The following ULK4 variants were observed in gnomAD, a reference collection of about 807,000 sequenced individuals.
ULK4 encodes the protein unc-51 like kinase 4.
In ULK4, 133 loss-of-function variants were observed where a neutral mutation model predicts 160.6. That is an observed-to-expected ratio of 0.83 (90% CI 0.72 to 0.96). The LOEUF is 0.96. ULK4 is among the 40% of genes least tolerant of loss of function. The pLI, the probability that ULK4 is intolerant of heterozygous loss-of-function variation, is 0.00. For synonymous variants in ULK4, 534 were observed against 539.8 expected (o/e 0.99, Z 0.15); for missense variants, 1,580 against 1,499.5 (o/e 1.05, Z -0.89).
intron 12 of ULK4, 71 bp from the exon 13 acceptor site, chr3:41,900,900 G>C: frequency 9.1e-7 from 1 of 1,097,374 alleles, no homozygotes; most frequent in Non-Finnish European, 1.4e-6. Context: ...GAACCAGTAA[G>C]ATGCTGAGGA....
At chr3:41,737,971 G>C (rs530039486) in intron 22 of ULK4, among the ~76,000 whole-genome samples, 4 of 152,048 alleles carry the variant, frequency 2.6e-5, no homozygotes, top group African/African-American at 7.3e-5. Context: ...GGCTAGTATG[G>C]TAAGAAGAGA....
chr3:41,477,158 C>A (rs889052175), intron 32 of ULK4, among the ~76,000 whole-genome samples: 22 of 152,144 alleles, frequency 1.4e-4, no homozygotes, highest in Non-Finnish European at 2.9e-5. Flanking sequence ...TTAATTATAA[C>A]CAACTCCTAA....
intron 17 of ULK4, among the ~76,000 whole-genome samples, chr3:41,839,947 A>C (rs1424708529): frequency 1.3e-5 from 2 of 152,234 alleles, no homozygotes; most frequent in African/African-American, 4.8e-5. Context: ...TAAATGGAGT[A>C]ATAGACTATG....
chr3:41,827,119 A>C (rs2041388703), intron 18 of ULK4, among the ~76,000 whole-genome samples: 1 of 146,496 alleles, frequency 6.8e-6, no homozygotes, highest in African/African-American at 2.6e-5. Flanking sequence ...AACGAGAACA[A>C]AGACACAACA....
At chr3:41,577,438 TG>T (rs2088229127) in intron 31 of ULK4, among the ~76,000 whole-genome samples, 1 of 152,178 alleles carries the variant, frequency 6.6e-6, no homozygotes, top group South Asian at 2.1e-4. Flanking sequence ...TCAGGGGAAA[TG>T]GGGGTATCCA....
chr3:41,865,503 CCT>C (rs2042596048), intron 17 of ULK4, among the ~76,000 whole-genome samples: 1 of 151,856 alleles, frequency 6.6e-6, no homozygotes, highest in Admixed American at 6.6e-5. Context: ...AGAACACACA[CCT>C]CTCTTTCCCT....
At chr3:41,829,132 C>T (rs1314651637) in intron 18 of ULK4, among the ~76,000 whole-genome samples, 30 of 145,646 alleles carry the variant, frequency 2.1e-4, no homozygotes, top group African/African-American at 7.1e-4. Context: ...TTACACCTTA[C>T]ACAAAAATTA....
At chr3:41,544,299 C>G (rs1656093122) in intron 32 of ULK4, among the ~76,000 whole-genome samples, 1 of 152,170 alleles carries the variant, frequency 6.6e-6, no homozygotes. Context: ...GCTCAGTGGC[C>G]AGCTAACAAC....
intron 35 of ULK4, among the ~76,000 whole-genome samples, chr3:41,289,721 A>T (rs2079522443): frequency 1.3e-5 from 2 of 152,172 alleles, no homozygotes; most frequent in Non-Finnish European, 2.9e-5. Context: ...AGTGCTCAGC[A>T]CTAGAGGGGA....
Position 41,519,683 on chromosome 3 carries a change from C to T in ULK4, c.3226+46342G>A, listed in dbSNP as rs577518141. On this transcript the variant is annotated intron_variant, in intron 32 of 36. Transcript: ENST00000301831. ...AGTGCGCACACGAATAAAAGAAACA[C>T]TGTGTACATTTTATTCATTTTGCAT... Among the ~76,000 whole-genome samples, 11 of 152,284 alleles carry T rather than the reference C, an allele frequency of 7.2e-5. No homozygotes were observed. The South Asian group carries it at 2.1e-3, about 29-fold the overall frequency.
intron 18 of ULK4, among the ~76,000 whole-genome samples, chr3:41,831,418 G>A (rs991214958): frequency 3.6e-5 from 5 of 137,572 alleles, no homozygotes; most frequent in South Asian, 2.3e-4. Context: ...TATACTAGTC[G>A]TTTTTTTTTT....
chr3:41,796,571 A>G (rs1471178307), intron 20 of ULK4, among the ~76,000 whole-genome samples: 1 of 152,128 alleles, frequency 6.6e-6, no homozygotes, highest in Admixed American at 6.5e-5. Context: ...CAGCCTGGGC[A>G]ACAGAGCAAC....
At position 41,938,209 on chromosome 3, in the gene ULK4, C is replaced by A. The variant is rs74823442; in HGVS notation, c.139-12G>T. ...CGGGTGAGACGGACCTATAAAAACA[C>A]AGAGCAATCACTCTAAAAAGAAATT... On this transcript the variant is annotated splice_polypyrimidine_tract_variant and intron_variant, in intron 2 of 36. Coordinates refer to ENST00000301831, the MANE Select transcript of ULK4 (RefSeq NM_017886.4). 8.4e-3 allele frequency: 13,512 copies of A among 1,600,558 alleles called. 928 individuals carry two copies. In the African/African-American group the frequency reaches 0.16, roughly 19 times the overall value.
At chr3:41,949,150 TA>T (rs1700204654) in intron 2 of ULK4, among the ~76,000 whole-genome samples, 1 of 151,248 alleles carries the variant, frequency 6.6e-6, no homozygotes, top group Non-Finnish European at 1.5e-5. Context: ...CTACTAAAAA[TA>T]CAAAAAAATT....
chr3:41,547,379 A>C (rs1022637261), intron 32 of ULK4, among the ~76,000 whole-genome samples: 1 of 152,192 alleles, frequency 6.6e-6, no homozygotes, highest in East Asian at 1.9e-4. Context: ...GACAGGGAAC[A>C]TCTGAGGCAC....
intron 21 of ULK4, among the ~76,000 whole-genome samples, chr3:41,784,330 A>G (rs2039939303): frequency 6.6e-6 from 1 of 152,082 alleles, no homozygotes; most frequent in Admixed American, 6.6e-5. Flanking sequence ...GCTACTCGGG[A>G]GCCTGAGGCA....
intron 35 of ULK4, among the ~76,000 whole-genome samples, chr3:41,355,345 A>G (rs2081009051): frequency 6.6e-6 from 1 of 152,206 alleles, no homozygotes; most frequent in Admixed American, 6.5e-5. Context: ...TCCAAACCCA[A>G]AAATGCTCTT....
intron 25 of ULK4, among the ~76,000 whole-genome samples, chr3:41,711,902 A>T (rs535850525): frequency 6.6e-6 from 1 of 152,232 alleles, no homozygotes; most frequent in South Asian, 2.1e-4. Context: ...GAACTTCCCC[A>T]GAGACTAGAC....
chr3:41,420,475 C>CTTTTTTTTTTTTTTTTTTTTTTTT lies in ULK4; in HGVS notation c.3493-22235_3493-22212dup, dbSNP rs1165381982. 1.2e-3 allele frequency among the ~76,000 whole-genome samples: 49 copies of CTTTTTTTTTTTTTTTTTTTTTTTT among 41,184 alleles called. 7 individuals are homozygous for CTTTTTTTTTTTTTTTTTTTTTTTT. Among genetic ancestry groups the CTTTTTTTTTTTTTTTTTTTTTTTT allele is most frequent in the South Asian group, 2.8e-3 (2 of 720 alleles). The allele number at this position is 41,184 out of a possible 152,430, so 27.0% of individuals were successfully genotyped here. On this transcript the variant is annotated intron_variant, in intron 34 of 36. Coordinates refer to ENST00000301831, the MANE Select transcript of ULK4 (RefSeq NM_017886.4). ...GGATTTTTCAGTTTTCCAGTTCTTT[C>CTTTTTTTTTTTTTTTTTTTTTTTT]TTTTTTTTTTTTTTTTTTTTTTTTT...
Sources: allele counts gnomAD v4.1 joint callset (sites outside exome capture counted in the v4.1 genomes callset), GRCh38; gene constraint gnomAD v4.1.1; transcripts MANE v1.5; gene names NCBI Gene and HGNC (gene_info 2026-07-23, HGNC 2026-07-21).